EPB41L4A: variants seen among roughly 807,000 people sequenced by gnomAD.
EPB41L4A encodes the protein band 4.1-like protein 4A.
EPB41L4A carries 100 observed loss-of-function variants against 108.6 expected under a neutral mutation model. The observed-to-expected ratio is 0.92, with a 90% CI of 0.78 to 1.09. EPB41L4A has a LOEUF of 1.09. Among genes scored for constraint, EPB41L4A ranks in the 50% least tolerant of loss-of-function variants. The pLI, the probability that EPB41L4A is intolerant of heterozygous loss-of-function variation, is 0.00. For missense variants in EPB41L4A, 1,030 were observed against 842.7 expected (o/e 1.22, Z -2.75); for synonymous variants, 319 against 289.0 (o/e 1.10, Z -1.05).
Position 112,389,432 on chromosome 5 carries a change from G to A in EPB41L4A, c.99+29509C>T, listed in dbSNP as rs150497263. On this transcript the variant is annotated intron_variant, in intron 1 of 22. Transcript: ENST00000261486. ...ACCAAACAAAACAGAGTTGTTATCTGACCTTTTCAGAAATCAGGAGAGACA... is the reference window on the plus strand; with the variant it reads ...ACCAAACAAAACAGAGTTGTTATCTAACCTTTTCAGAAATCAGGAGAGACA... 5.1e-3 allele frequency among the ~76,000 whole-genome samples: 778 copies of A among 152,256 alleles called. 3 individuals are homozygous for A. The highest frequency in any genetic ancestry group is 0.018 in the African/African-American group (742 of 41,546).
At chr5:112,174,829 T>C (rs1454035748) in intron 18 of EPB41L4A, among the ~76,000 whole-genome samples, 1 of 152,196 alleles carries the variant, frequency 6.6e-6, no homozygotes, top group African/African-American at 2.4e-5. Flanking sequence ...GTGGAAAATA[T>C]GTACATTTAT....
intron 1 of EPB41L4A, among the ~76,000 whole-genome samples, chr5:112,380,300 G>A (rs767344364): frequency 1.8e-4 from 28 of 152,014 alleles, no homozygotes; most frequent in Non-Finnish European, 3.1e-4. Context: ...TATAAATAAC[G>A]TTTCCTCTCC....
intron 15 of EPB41L4A, among the ~76,000 whole-genome samples, chr5:112,201,921 T>C (rs923314252): frequency 5.3e-5 from 8 of 152,178 alleles, no homozygotes; most frequent in African/African-American, 1.9e-4. Flanking sequence ...AGTTTTCTCA[T>C]CTGTAAAACT....
chr5:112,340,301 T>C (rs962381831), intron 1 of EPB41L4A, among the ~76,000 whole-genome samples: 2 of 152,174 alleles, frequency 1.3e-5, no homozygotes, highest in East Asian at 1.9e-4. Context: ...GATGGCCTTG[T>C]TGAAACAGAC....
At chr5:112,327,085 C>A (rs761544894) in intron 1 of EPB41L4A, among the ~76,000 whole-genome samples, 1 of 152,100 alleles carries the variant, frequency 6.6e-6, no homozygotes, top group Non-Finnish European at 1.5e-5. Flanking sequence ...ATAGGGAAAA[C>A]AAGGCTGAGA....
chr5:112,218,403 AAG>A (rs1307613826), intron 12 of EPB41L4A, among the ~76,000 whole-genome samples: 1 of 152,162 alleles, frequency 6.6e-6, no homozygotes, highest in Non-Finnish European at 1.5e-5. Flanking sequence ...AGTTTGAGGG[AAG>A]AGAGTTGAGT....
At chr5:112,254,464 T>C (rs1399689742) in intron 9 of EPB41L4A, among the ~76,000 whole-genome samples, 1 of 152,180 alleles carries the variant, frequency 6.6e-6, no homozygotes, top group Non-Finnish European at 1.5e-5. Context: ...CTTTCTTAAA[T>C]GCACATCCGA....
intron 1 of EPB41L4A, among the ~76,000 whole-genome samples, chr5:112,309,773 G>A (rs1580657907): frequency 6.6e-6 from 1 of 152,176 alleles, no homozygotes; most frequent in Non-Finnish European, 1.5e-5. Context: ...TCCAGCAGAA[G>A]GGAAAAGCAG....
chr5:112,350,143 ATTTT>A (rs1461052669), intron 1 of EPB41L4A, among the ~76,000 whole-genome samples: 2 of 64,998 alleles, frequency 3.1e-5, no homozygotes, highest in Non-Finnish European at 9.2e-5. Flanking sequence ...ATCTTTATAT[ATTTT>A]GTTTAATTTT....
At chr5:112,280,822 G>C (rs1160346103) in intron 2 of EPB41L4A, among the ~76,000 whole-genome samples, 1 of 152,084 alleles carries the variant, frequency 6.6e-6, no homozygotes, top group Non-Finnish European at 1.5e-5. Context: ...TGTCCTCCAA[G>C]TCTCTTTCCA....
At position 112,195,772 on chromosome 5, in the gene EPB41L4A, C is replaced by A. The variant is rs186187376; in HGVS notation, c.1377-64G>T. ...TTATCAATTGGCTAAGGAAAGCACA[C>A]CAAAATGAGTTTCACTTCAGTTAAC... On this transcript the variant is annotated intron_variant, in intron 15 of 22. Coordinates refer to ENST00000261486, the MANE Select transcript of EPB41L4A (RefSeq NM_022140.5). The A allele has an allele frequency of 4.6e-4, 657 of 1,413,508 alleles. 1 individual carries two copies. Among genetic ancestry groups the A allele is most frequent in the Admixed American group, 2.9e-3 (152 of 51,856 alleles). 87.6% of individuals were successfully genotyped at this position (1,413,508 alleles called of 1,614,324 possible). A position where few individuals can be genotyped will look rare whatever the true frequency, so the allele number is the denominator to read the frequency against.
At chr5:112,247,158 T>C (rs866805046) in intron 9 of EPB41L4A, among the ~76,000 whole-genome samples, 1 of 152,148 alleles carries the variant, frequency 6.6e-6, no homozygotes, top group Non-Finnish European at 1.5e-5. Context: ...GCACATGGTA[T>C]AAATGCCCAA....
At chr5:112,338,375 T>A (rs1387427454) in intron 1 of EPB41L4A, among the ~76,000 whole-genome samples, 2 of 152,118 alleles carry the variant, frequency 1.3e-5, no homozygotes, top group South Asian at 2.1e-4. Flanking sequence ...AACTCTTCTC[T>A]CGGCACTGTC....
intron 2 of EPB41L4A, among the ~76,000 whole-genome samples, chr5:112,298,955 G>A (rs1372733700): frequency 1.3e-5 from 2 of 152,114 alleles, no homozygotes; most frequent in African/African-American, 4.8e-5. Flanking sequence ...TAGTAGCCTT[G>A]AATGATCTTT....
chr5:112,362,461 A>T (rs1029422039), intron 1 of EPB41L4A, among the ~76,000 whole-genome samples: 1 of 152,012 alleles, frequency 6.6e-6, no homozygotes, highest in African/African-American at 2.4e-5. Context: ...TTGTATTTTT[A>T]GTAGACACGG....
intron 12 of EPB41L4A, among the ~76,000 whole-genome samples, chr5:112,233,878 G>A (rs1177384708): frequency 1.3e-5 from 2 of 152,092 alleles, no homozygotes; most frequent in Non-Finnish European, 2.9e-5. Flanking sequence ...ACCCAGGCTG[G>A]AGTGTAGTGG....
intron 1 of EPB41L4A, among the ~76,000 whole-genome samples, chr5:112,321,078 T>C (rs980889914): frequency 2.6e-5 from 4 of 151,942 alleles, no homozygotes; most frequent in African/African-American, 4.8e-5. Context: ...GATGACAGTA[T>C]GTAGGAAATT....
chr5:112,340,811 T>C (rs1757269040), intron 1 of EPB41L4A, among the ~76,000 whole-genome samples: 1 of 152,226 alleles, frequency 6.6e-6, no homozygotes, highest in Non-Finnish European at 1.5e-5. Flanking sequence ...AGAGATTCAA[T>C]TTCGACAGCA....
chr5:112,220,369 T>TA (rs887828621), intron 12 of EPB41L4A, among the ~76,000 whole-genome samples: 15 of 152,134 alleles, frequency 9.9e-5, no homozygotes, highest in African/African-American at 3.6e-4. Context: ...ACTTGATAAT[T>TA]AGAGTCATTT....
Sources: allele counts gnomAD v4.1 joint callset (sites outside exome capture counted in the v4.1 genomes callset), GRCh38; gene constraint gnomAD v4.1.1; transcripts MANE v1.5; gene names NCBI Gene and HGNC (gene_info 2026-07-23, HGNC 2026-07-21).